The following GABRA2 variants were observed in gnomAD, a reference collection of about 807,000 sequenced individuals.
GABRA2 encodes gamma-aminobutyric acid receptor subunit alpha-2.
A neutral mutation model predicts 48.7 loss-of-function variants in GABRA2; 16 were observed. The ratio of observed to expected loss-of-function variants is 0.33; its 90% confidence interval spans 0.22 to 0.50. The LOEUF (loss-of-function observed/expected upper bound fraction) is 0.50, where lower values mean the gene tolerates loss of function less well. GABRA2 is among the 20% of genes least tolerant of loss of function. GABRA2 has a pLI of 0.98. For synonymous variants in GABRA2, 185 were observed against 184.5 expected (o/e 1.00, Z -0.02); for missense variants, 275 against 535.6 (o/e 0.51, Z 4.80).
intron 6 of GABRA2, 63 bp from the exon 7 acceptor site, chr4:46,305,774 C>A: frequency 1.6e-6 from 2 of 1,215,512 alleles, no homozygotes; most frequent in Admixed American, 3.8e-5. Context: ...TAGTGCTACA[C>A]GAACGGTTGT....
At chr4:46,350,237 T>C (rs1734892346) in intron 3 of GABRA2, among the ~76,000 whole-genome samples, 1 of 151,908 alleles carries the variant, frequency 6.6e-6, no homozygotes, top group Non-Finnish European at 1.5e-5. Context: ...GATTTTTATT[T>C]AGCTTATACC....
chr4:46,271,418 G>T (rs1467304337), intron 8 of GABRA2, among the ~76,000 whole-genome samples: 2 of 151,994 alleles, frequency 1.3e-5, no homozygotes, highest in African/African-American at 4.8e-5. Context: ...ACTCTCAGGT[G>T]CAAGAACCTT....
At position 46,336,989 on chromosome 4, in the gene GABRA2, C is replaced by T. The variant is rs562182239; in HGVS notation, c.188-4307G>A. On this transcript the variant is annotated intron_variant, in intron 3 of 9. Transcript: ENST00000381620. ...TGCTGGGAAATGTAGTATAGAATAA[C>T]AATAAAACTTCTTATAAAATCTTTG... Among the ~76,000 whole-genome samples, 12 of 151,544 alleles carry T rather than the reference C, an allele frequency of 7.9e-5. 1 individual carries two copies. The highest frequency in any genetic ancestry group is 2.4e-4 in the African/African-American group (10 of 41,072).
intron 4 of GABRA2, among the ~76,000 whole-genome samples, chr4:46,313,532 T>TA (rs1204570503): frequency 6.6e-6 from 1 of 151,918 alleles, no homozygotes; most frequent in African/African-American, 2.4e-5. Flanking sequence ...TCCTCTATTA[T>TA]TTTTCTCCAA....
intron 9 of GABRA2, 138 bp from the exon 10 acceptor site, chr4:46,250,742 T>A: frequency 1.6e-6 from 1 of 625,872 alleles, no homozygotes; most frequent in Non-Finnish European, 2.7e-6. Flanking sequence ...ATTAGGAAAA[T>A]AAATAAAGGT....
chr4:46,301,548 C>T (rs184973429), intron 8 of GABRA2, among the ~76,000 whole-genome samples: 39 of 152,260 alleles, frequency 2.6e-4, no homozygotes, highest in Admixed American at 2.3e-3. Flanking sequence ...AATGAACATG[C>T]CATTGTCTTT....
chr4:46,346,025 G>T (rs533473807), intron 3 of GABRA2, among the ~76,000 whole-genome samples: 11 of 151,818 alleles, frequency 7.2e-5, no homozygotes, highest in Non-Finnish European at 8.8e-5. Context: ...AGAATGTCAC[G>T]CACACATTTT....
chr4:46,314,204 C>G (rs1728166352), intron 4 of GABRA2, among the ~76,000 whole-genome samples: 1 of 152,082 alleles, frequency 6.6e-6, no homozygotes, highest in Admixed American at 6.6e-5. Flanking sequence ...GTAAGTATTT[C>G]TTTTTTAACT....
Position 46,246,640 on chromosome 4 carries a change from T to C in GABRA2, c.*3668A>G, listed in dbSNP as rs1713763031. Among the ~76,000 whole-genome samples, 1 of 151,240 alleles carries C rather than the reference T, an allele frequency of 6.6e-6. No homozygotes were observed. The highest frequency in any genetic ancestry group is 6.6e-5 in the Admixed American group (1 of 15,104). On this transcript the variant is annotated 3_prime_UTR_variant, in exon 10 of 10. Coordinates refer to ENST00000381620, the MANE Select transcript of GABRA2 (RefSeq NM_000807.4). ...GAATGTTTTCATATGATAAAAAATT[T>C]GGTCATTGCTTCAAAAACATGCAGA...
At chr4:46,352,749 C>T (rs923590580) in intron 3 of GABRA2, among the ~76,000 whole-genome samples, 1 of 152,056 alleles carries the variant, frequency 6.6e-6, no homozygotes, top group Non-Finnish European at 1.5e-5. Context: ...ATCTAAGGCT[C>T]TTAAAAGGGG....
At chr4:46,251,123 AAC>A (rs1340569954) in intron 9 of GABRA2, among the ~76,000 whole-genome samples, 1 of 151,536 alleles carries the variant, frequency 6.6e-6, no homozygotes, top group African/African-American at 2.4e-5. Context: ...AAATACTAGA[AAC>A]ACAGAAGGAG....
rs1577743950 is a variant in GABRA2 at position 46,250,658 on chromosome 4, T to A, written c.1060-54A>T. On this transcript the variant is annotated intron_variant, in intron 9 of 9. Coordinates refer to ENST00000381620, the MANE Select transcript of GABRA2 (RefSeq NM_000807.4). ...TGTGGGTTGAGTCTGCTACTTAACA[T>A]TTTCTAAAGTCCACTTCAAATTCTG... is the stretch of plus-strand genomic sequence containing the variant. 2.5e-5 allele frequency: 33 copies of A among 1,335,014 alleles called. No homozygotes were observed. The South Asian group carries it at 4.4e-4, about 18-fold the overall frequency. The allele number at this position is 1,335,014 out of a possible 1,614,324, so 82.7% of individuals were successfully genotyped here.
chr4:46,379,280 G>A (rs774190129), intron 3 of GABRA2, among the ~76,000 whole-genome samples: 8 of 152,152 alleles, frequency 5.3e-5, no homozygotes, highest in Non-Finnish European at 1.0e-4. Context: ...GGAGAGAAGT[G>A]GGATAGCCCC....
In GABRA2 at chr4:46,388,239, GA is replaced by G. The variant is rs1371459439; in HGVS notation, c.71+396del. On this transcript the variant is annotated intron_variant, in intron 2 of 9. Coordinates refer to ENST00000381620, the MANE Select transcript of GABRA2 (RefSeq NM_000807.4). ...ACCATTAAAAAAAGAAAAGAAAAAG[GA>G]AAAAAAAAATTAGTTAACACTCAAA... 3.1e-3 allele frequency among the ~76,000 whole-genome samples: 459 copies of G among 149,454 alleles called. 1 individual carries two copies. Among genetic ancestry groups the G allele is most frequent in the African/African-American group, 6.8e-3 (277 of 40,808 alleles).
chr4:46,377,463 C>T (rs1428980593), intron 3 of GABRA2, among the ~76,000 whole-genome samples: 18 of 133,778 alleles, frequency 1.3e-4, no homozygotes, highest in African/African-American at 3.7e-4. Context: ...GCCTGGCAAC[C>T]GCCCCGTCTG....
rs72160209 is a variant in GABRA2, at chr4:46,264,986, C to CATATATATATATATAT, written c.857-2874_857-2859dup. 8.8e-3 allele frequency among the ~76,000 whole-genome samples: 946 copies of CATATATATATATATAT among 107,476 alleles called. 41 individuals are homozygous for CATATATATATATATAT. Among genetic ancestry groups the CATATATATATATATAT allele is most frequent in the South Asian group, 0.047 (109 of 2,320 alleles). The allele number at this position is 107,476 out of a possible 152,430, so 70.5% of individuals were successfully genotyped here. On this transcript the variant is annotated intron_variant, in intron 8 of 9. Coordinates refer to ENST00000381620, the MANE Select transcript of GABRA2 (RefSeq NM_000807.4). ...CAATTGTTCCCAGAATTACTTTATA[C>CATATATATATATATAT]ATATATATATATATATGTATAAAGA...
intron 3 of GABRA2, among the ~76,000 whole-genome samples, chr4:46,348,546 C>T (rs1300377037): frequency 1.3e-5 from 2 of 151,856 alleles, no homozygotes; most frequent in African/African-American, 4.8e-5. Context: ...CAACGATAGA[C>T]TGGATTAAGA....
chr4:46,279,682 T>C (rs1721145934), intron 8 of GABRA2, among the ~76,000 whole-genome samples: 1 of 152,086 alleles, frequency 6.6e-6, no homozygotes, highest in African/African-American at 2.4e-5. Flanking sequence ...ATTTGGACTA[T>C]CCTAACATAG....
chr4:46,275,161 T>G (rs1255386431), intron 8 of GABRA2, among the ~76,000 whole-genome samples: 2 of 152,068 alleles, frequency 1.3e-5, no homozygotes, highest in Non-Finnish European at 2.9e-5. Context: ...CTATTTCTGG[T>G]CTCATTAAAC....
Sources: allele counts gnomAD v4.1 joint callset (sites outside exome capture counted in the v4.1 genomes callset), GRCh38; gene constraint gnomAD v4.1.1; transcripts MANE v1.5; gene names NCBI Gene and HGNC (gene_info 2026-07-23, HGNC 2026-07-21).